Variants in MPC1 observed in about 807,000 individuals in gnomAD.
MPC1 encodes HSPC040 protein.
In MPC1, 6 loss-of-function variants were observed where a neutral mutation model predicts 13.9. The observed-to-expected ratio is 0.43, with a 90% CI of 0.24 to 0.85. The LOEUF (loss-of-function observed/expected upper bound fraction) is 0.85. Among genes scored for constraint, MPC1 ranks in the 40% least tolerant of loss-of-function variants. The probability of loss-of-function intolerance (pLI) is 0.24; values close to 1 mark genes in which losing one functional copy is unlikely to be tolerated. For missense variants in MPC1, 115 were observed against 143.3 expected, an observed-to-expected ratio of 0.80 and a Z score of 1.01; for synonymous variants, 47 against 50.5, an observed-to-expected ratio of 0.93 and a Z score of 0.29.
At chr6:166,368,996 A>C (rs1269849131) in intron 2 of MPC1, 1 of 944,406 alleles carries the variant, frequency 1.1e-6, no homozygotes, top group Non-Finnish European at 1.3e-6. Flanking sequence ...TTTCTCTACC[A>C]CTGGTTGTGA....
rs1288595172 is a variant in MPC1 at position 166,364,967 on chromosome 6, A to G, written c.*462T>C. ...ATTGCCATTAAGTTACAGCATCTCAATATATACACTGCATGGAAATACACA... is the reference window on the plus strand; with the variant it reads ...ATTGCCATTAAGTTACAGCATCTCAGTATATACACTGCATGGAAATACACA... On this transcript the variant is annotated 3_prime_UTR_variant, in exon 5 of 5. Transcript: ENST00000360961. The G allele has an allele frequency of 6.5e-6, 1 of 153,914 alleles. No individual in the cohort carries two copies. Among genetic ancestry groups the G allele is most frequent in the Non-Finnish European group, 1.5e-5 (1 of 68,946 alleles). The allele number at this position is 153,914 out of a possible 1,614,324, so 9.5% of individuals were successfully genotyped here. A position where few individuals can be genotyped will look rare whatever the true frequency, so the allele number is the denominator to read the frequency against.
intron 1 of MPC1, among the ~76,000 whole-genome samples, chr6:166,376,154 ACGTGTGTGTGTG>A (rs973925829): frequency 1.1e-4 from 9 of 79,032 alleles, no homozygotes; most frequent in East Asian, 3.3e-3. Context: ...ATATACACAT[ACGTGTGTGTGTG>A]TGTGTGTGTG....
intron 1 of MPC1, among the ~76,000 whole-genome samples, chr6:166,377,194 G>T (rs1439464436): frequency 1.3e-5 from 2 of 148,708 alleles, no homozygotes; most frequent in African/African-American, 5.0e-5. Context: ...CCAGGCTGGA[G>T]TGCAGTGGCA....
intron 1 of MPC1, among the ~76,000 whole-genome samples, chr6:166,377,871 A>T (rs1346410049): frequency 6.6e-6 from 1 of 152,264 alleles, no homozygotes; most frequent in Non-Finnish European, 1.5e-5. Context: ...AAAGTCAATT[A>T]TATGGCAGGG....
chr6:166,374,334 G>A (rs556515523), intron 1 of MPC1, among the ~76,000 whole-genome samples: 1 of 152,130 alleles, frequency 6.6e-6, no homozygotes, highest in East Asian at 1.9e-4. Context: ...TTTTGGAAAA[G>A]TCCTTTATCA....
intron 1 of MPC1, among the ~76,000 whole-genome samples, chr6:166,374,122 G>T (rs1319767388): frequency 6.6e-6 from 1 of 152,018 alleles, no homozygotes; most frequent in South Asian, 2.1e-4. Context: ...AAGTAGCTGG[G>T]ATTATAGGCA....
intron 1 of MPC1, 130 bp downstream of exon 1, chr6:166,382,676 G>C (rs925845930): frequency 1.1e-6 from 1 of 931,012 alleles, no homozygotes; most frequent in African/African-American, 1.8e-5. Context: ...GCACCCTCTC[G>C]CCTGGGCCCC....
Position 166,365,356 on chromosome 6 carries a change from TATA to T in MPC1, c.*70_*72del. ...GTGTATTTTCCTTAGGGAGGCTATT[TATA>T]ATGAAATCTGTGACTCAGCAGCAGC... is the stretch of plus-strand genomic sequence containing the variant. On this transcript the variant is annotated 3_prime_UTR_variant, in exon 5 of 5. Coordinates refer to ENST00000360961, the MANE Select transcript of MPC1 (RefSeq NM_016098.4). The surrounding 1 kb of genome is among the most constrained non-coding windows in gnomAD (Gnocchi z 4.2). 3 of 1,305,050 alleles carry T rather than the reference TATA, an allele frequency of 2.3e-6. No individual in the cohort carries two copies. The highest frequency in any genetic ancestry group is 3.1e-6 in the Non-Finnish European group (3 of 978,836). 80.8% of individuals were successfully genotyped at this position (1,305,050 alleles called of 1,614,324 possible).
rs147001559 is a variant in MPC1 at position 166,368,828 on chromosome 6, C to A, written c.75+1390G>T. On this transcript the variant is annotated intron_variant, in intron 2 of 4. Transcript: ENST00000360961. Reference sequence around the variant, plus strand: ...TCCTTTTCCTCCTTTTTTGACCAGGCCTTTCTCCACTTGGTCTATTTTCAT... The same window carrying A: ...TCCTTTTCCTCCTTTTTTGACCAGGACTTTCTCCACTTGGTCTATTTTCAT... 2.0e-5 allele frequency: 20 copies of A among 985,522 alleles called. No homozygotes were observed. The South Asian group carries it at 8.5e-4, about 42-fold the overall frequency. 61.0% of individuals were successfully genotyped at this position (985,522 alleles called of 1,614,324 possible).
At chr6:166,374,334 G>T (rs556515523) in intron 1 of MPC1, among the ~76,000 whole-genome samples, 1 of 152,248 alleles carries the variant, frequency 6.6e-6, no homozygotes, top group East Asian at 1.9e-4. Context: ...TTTTGGAAAA[G>T]TCCTTTATCA....
Position 166,372,862 on chromosome 6 carries a change from T to C in MPC1, c.72-2641A>G, listed in dbSNP as rs150002907. On this transcript the variant is annotated intron_variant, in intron 1 of 4. Coordinates refer to ENST00000360961, the MANE Select transcript of MPC1 (RefSeq NM_016098.4). ...CTCTTTATTTGGTATGCTGCCTTTA[T>C]TTTCAGTAAAAAAGCAAACAAACAC... is the stretch of plus-strand genomic sequence containing the variant. Among the ~76,000 whole-genome samples, 132 of 152,346 alleles carry C rather than the reference T, an allele frequency of 8.7e-4. 2 individuals carry two copies. The highest frequency in any genetic ancestry group is 2.8e-3 in the African/African-American group (118 of 41,586).
chr6:166,368,689 G>T (rs539127802), intron 2 of MPC1: 256 of 910,904 alleles, frequency 2.8e-4, no homozygotes, highest in Middle Eastern at 5.7e-4. Flanking sequence ...TTATTCCCCA[G>T]ACTTTTGTAA....
In MPC1 at chr6:166,366,051, C is replaced by G. The variant is rs769876477; in HGVS notation, c.228G>C (p.Arg76=). 1 of 1,613,984 alleles carries G rather than the reference C, an allele frequency of 6.2e-7. No homozygotes were observed. Among genetic ancestry groups the G allele is most frequent in the Non-Finnish European group, 8.5e-7 (1 of 1,179,958 alleles). The change falls in exon 4 of 5, where the codon CGG becomes CGC. Residue 76 remains arginine, a synonymous_variant. Transcript: ENST00000360961. ...FMRFAYKVQP[R]NWLLFACHAT... ...CGTGGCATGCAAACAGAAGCCAGTT[C>G]CGAGGCTGTACCTTGTAGGCAAATC...
At chr6:166,382,668 A>C in intron 1 of MPC1, 138 bp downstream of exon 1, 1 of 835,112 alleles carries the variant, frequency 1.2e-6, no homozygotes, top group Non-Finnish European at 1.7e-6. Flanking sequence ...TGACAAGCGC[A>C]CCCTCTCGCC....
chr6:166,372,945 C>T (rs2114960727), intron 1 of MPC1, among the ~76,000 whole-genome samples: 1 of 152,194 alleles, frequency 6.6e-6, no homozygotes, highest in South Asian at 2.1e-4. Context: ...GGAGGAGAAA[C>T]TATATTTCCA....
intron 1 of MPC1, among the ~76,000 whole-genome samples, chr6:166,376,560 C>G (rs1779577245): frequency 6.6e-6 from 1 of 152,222 alleles, no homozygotes; most frequent in Admixed American, 6.5e-5. Flanking sequence ...TCTACTGATT[C>G]AAATGCCAAT....
Position 166,365,967 on chromosome 6 carries a change from T to A in MPC1, c.305+7A>T, listed in dbSNP as rs756051321. 6.2e-7 allele frequency: 1 copy of A among 1,606,640 alleles called. No individual in the cohort carries two copies. Among genetic ancestry groups the A allele is most frequent in the East Asian group, 2.2e-5 (1 of 44,816 alleles). ...AAAAGAAAGTAACTAAATTGAAATCTGCTTACTCGTGTTTGATAAGCCGCC... is the reference window on the plus strand; with the variant it reads ...AAAAGAAAGTAACTAAATTGAAATCAGCTTACTCGTGTTTGATAAGCCGCC... On this transcript the variant is annotated splice_region_variant and intron_variant, in intron 4 of 4. Transcript: ENST00000360961. This position sits in a 1 kb window ranked among gnomAD's most constrained non-coding sequence, Gnocchi z 4.2.
At chr6:166,382,483 C>T (rs1429776274) in intron 1 of MPC1, among the ~76,000 whole-genome samples, 1 of 151,724 alleles carries the variant, frequency 6.6e-6, no homozygotes, top group Non-Finnish European at 1.5e-5. Context: ...CCACTGTCAC[C>T]CCCGCCCTGA....
chr6:166,381,788 C>A (rs1347084092), intron 1 of MPC1: 1 of 980,814 alleles, frequency 1.0e-6, no homozygotes, highest in African/African-American at 1.8e-5. Context: ...ACCTTAGAGA[C>A]ACGTCACTTT....
Sources: gnomAD v4.1 joint callset for allele counts (sites outside exome capture counted in the v4.1 genomes callset) on GRCh38, gnomAD v4.1.1 for gene constraint, Gnocchi (gnomAD v3.1) non-coding constraint, MANE v1.5 for transcripts, NCBI Gene and HGNC (gene_info 2026-07-23, HGNC 2026-07-21) for gene names.